TTLL11: variants seen among roughly 807,000 people sequenced by gnomAD.
The protein encoded by TTLL11 is tubulin tyrosine ligase like 11.
Under a neutral mutation model 51.7 loss-of-function variants are expected in TTLL11, and 42 were observed. The observed-to-expected ratio is 0.81, with a 90% CI of 0.64 to 1.05. The LOEUF is 1.05. Ranked by LOEUF, TTLL11 falls within the 50% of genes least tolerant of loss-of-function variation. The pLI is 0.00. For synonymous variants in TTLL11, 381 were observed against 383.5 expected, an observed-to-expected ratio of 0.99 and a Z score of 0.08; for missense variants, 799 against 940.4, an observed-to-expected ratio of 0.85 and a Z score of 1.97.
At chr9:121,895,302 G>C (rs147913115) in intron 6 of TTLL11, among the ~76,000 whole-genome samples, 1,602 of 151,912 alleles carry the variant, frequency 0.011, 17 homozygotes, top group Middle Eastern at 0.031. Flanking sequence ...TTGTGTAGCT[G>C]TGTTTGTGTA....
chr9:122,042,980 G>C (rs1844887474), intron 1 of TTLL11, among the ~76,000 whole-genome samples: 1 of 152,210 alleles, frequency 6.6e-6, no homozygotes, highest in Non-Finnish European at 1.5e-5. Flanking sequence ...TTTTAGAGCA[G>C]TGAAAATACT....
intron 3 of TTLL11, among the ~76,000 whole-genome samples, chr9:121,991,544 G>A (rs1843113217): frequency 6.6e-6 from 1 of 152,194 alleles, no homozygotes; most frequent in South Asian, 2.1e-4. Context: ...GGACCAGGAA[G>A]TGAAAAATGT....
At position 121,927,158 on chromosome 9, in the gene TTLL11, T is replaced by C. The variant is rs184313261; in HGVS notation, c.1481+46851A>G. Among the ~76,000 whole-genome samples the C allele has an allele frequency of 2.6e-5, 4 of 152,288 alleles. No homozygotes were observed. The East Asian group carries it at 5.8e-4, about 22-fold the overall frequency. ...GAACACAAACATTTGGTTTATAGCA[T>C]AGCGTTGCTTCATGTCTCTATGCTT... On this transcript the variant is annotated intron_variant, in intron 6 of 8. Transcript: ENST00000321582.
intron 8 of TTLL11, among the ~76,000 whole-genome samples, chr9:121,825,409 T>C (rs2119107195): frequency 6.6e-6 from 1 of 152,328 alleles, no homozygotes; most frequent in Admixed American, 6.5e-5. Context: ...CCTGACAAGA[T>C]AAGGCGCTTG....
At chr9:121,938,328 T>C (rs1203831397) in intron 6 of TTLL11, among the ~76,000 whole-genome samples, 3 of 150,112 alleles carry the variant, frequency 2.0e-5, no homozygotes, top group Non-Finnish European at 4.4e-5. Context: ...GACAAGCATG[T>C]CCACACTCCT....
chr9:121,988,911 T>C (rs1436371324), intron 4 of TTLL11: 2 of 585,024 alleles, frequency 3.4e-6, no homozygotes, highest in Non-Finnish European at 5.6e-6. Flanking sequence ...AAACTCTGCT[T>C]TACATGTGTT....
At chr9:121,901,562 G>C (rs1487704251) in intron 6 of TTLL11, among the ~76,000 whole-genome samples, 1 of 151,996 alleles carries the variant, frequency 6.6e-6, no homozygotes, top group Non-Finnish European at 1.5e-5. Context: ...TTGTGAGATT[G>C]GGCTTATGGC....
rs386416145 is a variant in TTLL11 at position 122,062,462 on chromosome 9, CT to C, written c.463-23095del. On this transcript the variant is annotated intron_variant, in intron 1 of 8. Coordinates refer to ENST00000321582, the MANE Select transcript of TTLL11 (RefSeq NM_001139442.2). ...AACTGTGCAAGATCTTTATATTATG[CT>C]TTTTTTTTTTTTTTTTTTTTTTTGA... is the stretch of plus-strand genomic sequence containing the variant. Among the ~76,000 whole-genome samples, 766 of 77,656 alleles carry C rather than the reference CT, an allele frequency of 9.9e-3. 1 individual carries two copies. The highest frequency in any genetic ancestry group is 0.034 in the African/African-American group (603 of 17,710). The allele number at this position is 77,656 out of a possible 152,430, so 50.9% of individuals were successfully genotyped here. A position where few individuals can be genotyped will look rare whatever the true frequency, so the allele number is the denominator to read the frequency against.
At position 121,989,745 on chromosome 9, in the gene TTLL11, G is replaced by C. The variant is rs1379528358; in HGVS notation, c.719C>G (p.Pro240Arg). 1.2e-6 allele frequency: 2 copies of C among 1,606,168 alleles called. No individual in the cohort carries two copies. ...CACGATAAAAGTGGGCTTCCAGGAG[G>C]GGTCATCGTCTTTCACCATTTGAAC... ...AQVQMVKDDD[P>R]SWKPTFIVKP... The change falls in exon 4 of 9, where the codon CCC (proline) becomes CGC (arginine). Residue 240 changes from proline (P) to arginine (R), a missense_variant. Physicochemically the swap from Pro to Arg is moderately radical, Grantham distance 103. Transcript: ENST00000321582. This position sits in a 1 kb window ranked among gnomAD's most constrained non-coding sequence, Gnocchi z 4.2.
At chr9:122,072,848 G>A (rs947596307) in intron 1 of TTLL11, among the ~76,000 whole-genome samples, 5 of 151,944 alleles carry the variant, frequency 3.3e-5, no homozygotes, top group Admixed American at 6.6e-5. Context: ...GTAACATCGC[G>A]CTTCCTACAC....
At chr9:122,042,583 A>G (rs1844874716) in intron 1 of TTLL11, among the ~76,000 whole-genome samples, 1 of 152,192 alleles carries the variant, frequency 6.6e-6, no homozygotes. Context: ...ATTTATCCAA[A>G]TGGGTTGAAA....
chr9:122,042,859 A>C (rs1176097016), intron 1 of TTLL11, among the ~76,000 whole-genome samples: 1 of 152,232 alleles, frequency 6.6e-6, no homozygotes, highest in Non-Finnish European at 1.5e-5. Context: ...ATACTGTATG[A>C]TTCCAACTAA....
chr9:122,050,279 G>C (rs1845122235), intron 1 of TTLL11, among the ~76,000 whole-genome samples: 2 of 152,172 alleles, frequency 1.3e-5, no homozygotes, highest in Admixed American at 1.3e-4. Context: ...ACCTCAACAA[G>C]TAACTTCAAT....
chr9:121,904,283 TCTC>T (rs1160672913), intron 6 of TTLL11, among the ~76,000 whole-genome samples: 9 of 152,118 alleles, frequency 5.9e-5, no homozygotes, highest in Admixed American at 1.3e-4. Context: ...TTCAAGCCAT[TCTC>T]CTGCCTCAGC....
chr9:121,942,318 T>A (rs1345352680), intron 6 of TTLL11, among the ~76,000 whole-genome samples: 1 of 152,214 alleles, frequency 6.6e-6, no homozygotes, highest in African/African-American at 2.4e-5. Flanking sequence ...CAATGTCACC[T>A]TCACAGTCAG....
chr9:121,923,033 G>C (rs1441971593), intron 6 of TTLL11, among the ~76,000 whole-genome samples: 1 of 152,142 alleles, frequency 6.6e-6, no homozygotes, highest in African/African-American at 2.4e-5. Flanking sequence ...GGCACGCATG[G>C]GCATTAAAGG....
At chr9:121,838,285 C>G (rs1214648075) in intron 8 of TTLL11, among the ~76,000 whole-genome samples, 2 of 152,156 alleles carry the variant, frequency 1.3e-5, no homozygotes, top group South Asian at 2.1e-4. Context: ...CCTCCACATC[C>G]CTAGGACCAT....
intron 1 of TTLL11, among the ~76,000 whole-genome samples, chr9:122,049,392 G>A (rs1320330484): frequency 6.6e-6 from 1 of 152,198 alleles, no homozygotes; most frequent in East Asian, 1.9e-4. Flanking sequence ...GGTCACAGAG[G>A]TATTATAGTA....
Position 121,822,979 on chromosome 9 carries a change from C to G in TTLL11, c.1841-100G>C. The G allele has an allele frequency of 4.6e-6, 6 of 1,299,672 alleles. No homozygotes were observed. Among genetic ancestry groups the G allele is most frequent in the Non-Finnish European group, 6.2e-6 (6 of 962,964 alleles). 80.5% of individuals were successfully genotyped at this position (1,299,672 alleles called of 1,614,324 possible). A position where few individuals can be genotyped will look rare whatever the true frequency, so the allele number is the denominator to read the frequency against. ...ACAAGGATGTCAGCAAGAGCTAGCCCCGCTCCCCACCACCGTCTCCATTCC... is the reference window on the plus strand; with the variant it reads ...ACAAGGATGTCAGCAAGAGCTAGCCGCGCTCCCCACCACCGTCTCCATTCC... On this transcript the variant is annotated intron_variant, in intron 8 of 8. Coordinates refer to ENST00000321582, the MANE Select transcript of TTLL11 (RefSeq NM_001139442.2). This position sits in a 1 kb window ranked among gnomAD's most constrained non-coding sequence, Gnocchi z 5.8.
Sources: allele counts gnomAD v4.1 joint callset (sites outside exome capture counted in the v4.1 genomes callset), GRCh38; gene constraint gnomAD v4.1.1; non-coding constraint Gnocchi (gnomAD v3.1); transcripts MANE v1.5; gene names NCBI Gene and HGNC (gene_info 2026-07-23, HGNC 2026-07-21).